SDK2: variants seen among roughly 807,000 people sequenced by gnomAD.
The protein encoded by SDK2 is protein sidekick-2.
In SDK2, 105 loss-of-function variants were observed where a neutral mutation model predicts 253.9. That is an observed-to-expected ratio of 0.41 (90% CI 0.35 to 0.49). SDK2 has a LOEUF of 0.49. Among genes scored for constraint, SDK2 ranks in the 20% least tolerant of loss-of-function variants. The probability of loss-of-function intolerance (pLI) is 0.06; values close to 1 mark genes in which losing one functional copy is unlikely to be tolerated. For synonymous variants in SDK2, 1,249 were observed against 1,234.9 expected, an observed-to-expected ratio of 1.01 and a Z score of -0.24; for missense variants, 2,608 against 3,003.0, an observed-to-expected ratio of 0.87 and a Z score of 3.07.
chr17:73,541,796 C>T lies in SDK2; in HGVS notation c.65-34199G>A, dbSNP rs557643965. On this transcript the variant is annotated intron_variant, in intron 1 of 44. Transcript: ENST00000392650. This position sits in a 1 kb window ranked among gnomAD's most constrained non-coding sequence, Gnocchi z 4.3. Reference sequence around the variant, plus strand: ...AAAGCAGCTTGGCACAAACAGAATCCGGCTACGGAAAATTCAAAATGTATT... The same window carrying T: ...AAAGCAGCTTGGCACAAACAGAATCTGGCTACGGAAAATTCAAAATGTATT... 2.0e-5 allele frequency among the ~76,000 whole-genome samples: 3 copies of T among 152,270 alleles called. No individual in the cohort carries two copies. Among genetic ancestry groups the T allele is most frequent in the East Asian group, 1.9e-4 (1 of 5,176 alleles).
intron 14 of SDK2, among the ~76,000 whole-genome samples, chr17:73,423,184 C>T (rs2345421): frequency 2.0e-5 from 3 of 152,074 alleles, no homozygotes; most frequent in East Asian, 3.9e-4. Flanking sequence ...ACCTTTTGTG[C>T]GTCATCTCTT....
intron 36 of SDK2, among the ~76,000 whole-genome samples, chr17:73,377,327 T>C (rs1210451665): frequency 6.6e-6 from 1 of 151,396 alleles, no homozygotes; most frequent in Admixed American, 6.6e-5. Flanking sequence ...CAAACGATTC[T>C]CCTGCCTCAG....
Position 73,386,551 on chromosome 17 carries a change from G to T in SDK2, c.4395-3C>A. The T allele has an allele frequency of 1.9e-6, 3 of 1,550,730 alleles. No individual in the cohort carries two copies. Among genetic ancestry groups the T allele is most frequent in the Non-Finnish European group, 2.6e-6 (3 of 1,145,806 alleles). On this transcript the variant is annotated splice_region_variant and splice_polypyrimidine_tract_variant and intron_variant, in intron 30 of 44. Coordinates refer to ENST00000392650, the MANE Select transcript of SDK2 (RefSeq NM_001144952.2). ...TGTAGGACGTGAAGGGCTTCAGCCT[G>T]TAGGGAGAAATCAGGGCCAATGAGC... is the stretch of plus-strand genomic sequence containing the variant.
At position 73,570,102 on chromosome 17, in the gene SDK2, C is replaced by A. The variant is rs897334155; in HGVS notation, c.65-62505G>T. On this transcript the variant is annotated intron_variant, in intron 1 of 44. Coordinates refer to ENST00000392650, the MANE Select transcript of SDK2 (RefSeq NM_001144952.2). The surrounding 1 kb of genome is among the most constrained non-coding windows in gnomAD (Gnocchi z 4.2). ...GGCGGCCCCATGACTCTCCCCAGAG[C>A]CCCTCGGGACGGCCCCCCAGAGCCC... Among the ~76,000 whole-genome samples the A allele has an allele frequency of 6.6e-6, 1 of 152,118 alleles. No individual in the cohort carries two copies.
At chr17:73,585,664 C>G (rs1372210120) in intron 1 of SDK2, among the ~76,000 whole-genome samples, 1 of 152,198 alleles carries the variant, frequency 6.6e-6, no homozygotes, top group Non-Finnish European at 1.5e-5. Flanking sequence ...CTGACTACCC[C>G]CTACACTCAG....
chr17:73,340,209 A>C (rs1275923468), intron 44 of SDK2, among the ~76,000 whole-genome samples: 2 of 152,234 alleles, frequency 1.3e-5, no homozygotes, highest in African/African-American at 2.4e-5. Context: ...CACATAACCG[A>C]AAGTGAACCA....
chr17:73,365,285 C>G lies in SDK2; in HGVS notation c.5278G>C (p.Val1760Leu). The change falls in exon 38 of 45, where the codon GTG (valine) becomes CTG (leucine). Residue 1760 changes from valine (V) to leucine (L), a missense_variant. Val to Leu is a conservative substitution (Grantham distance 32). This residue lies in a region of SDK2 where 1,103 missense variants were observed against 1,143.9 expected (regional missense o/e 0.96). Transcript: ENST00000392650. ...PNGILEGYRL[V>L]YEPCSPVDGV... The stretch of plus-strand genomic sequence containing the variant: ...TCCACGGGGCTGCAGGGCTCGTACA[C>G]CAGCCTGTAGCCCTCCAGGATGCCA... The G allele has an allele frequency of 6.2e-7, 1 of 1,612,266 alleles. No homozygotes were observed. The highest frequency in any genetic ancestry group is 8.5e-7 in the Non-Finnish European group (1 of 1,179,140).
chr17:73,586,298 T>C (rs1390268012), intron 1 of SDK2, among the ~76,000 whole-genome samples: 1 of 152,078 alleles, frequency 6.6e-6, no homozygotes, highest in Non-Finnish European at 1.5e-5. Flanking sequence ...TCTTTATTTA[T>C]TTATATTCTC....
chr17:73,515,903 G>A (rs2064022569), intron 1 of SDK2, among the ~76,000 whole-genome samples: 2 of 152,192 alleles, frequency 1.3e-5, no homozygotes, highest in South Asian at 2.1e-4. Context: ...AGGATCAAAT[G>A]AGCTAATGTG....
intron 1 of SDK2, among the ~76,000 whole-genome samples, chr17:73,588,197 A>ACCCCCCCC (rs57740393): frequency 3.1e-5 from 4 of 130,860 alleles, no homozygotes; most frequent in South Asian, 2.6e-4. Flanking sequence ...ACATGGAGAG[A>ACCCCCCCC]CCCCCCCCCC....
At chr17:73,485,152 G>A (rs753127779) in intron 2 of SDK2, among the ~76,000 whole-genome samples, 1 of 152,162 alleles carries the variant, frequency 6.6e-6, no homozygotes, top group African/African-American at 2.4e-5. Context: ...GGCTTGAGCC[G>A]TGGGGTGACT....
chr17:73,474,540 C>T (rs1240702062), intron 2 of SDK2, among the ~76,000 whole-genome samples: 1 of 152,206 alleles, frequency 6.6e-6, no homozygotes, highest in Non-Finnish European at 1.5e-5. Flanking sequence ...CTTCTGGCTG[C>T]CCAAGCCCCT....
At position 73,398,056 on chromosome 17, in the gene SDK2, G is replaced by A. The variant is rs1306050574; in HGVS notation, c.3333C>T (p.Thr1111=). 2 of 1,612,670 alleles carry A rather than the reference G, an allele frequency of 1.2e-6. No homozygotes were observed. The highest frequency in any genetic ancestry group is 8.5e-7 in the Non-Finnish European group (1 of 1,179,884). ...TTACCATCCAGCGCAGCCACAGGCT[G>A]GTCTCACTGGCTGTGCGCAGAGACA... The part of the protein sequence containing the change: ...ANVSLRTASE[T]SLWLRWMPLP... The change falls in exon 24 of 45, where the codon ACC becomes ACT. Residue 1111 remains threonine, a synonymous_variant. Coordinates refer to ENST00000392650, the MANE Select transcript of SDK2 (RefSeq NM_001144952.2).
Position 73,587,819 on chromosome 17 carries a change from GTCT to G in SDK2, c.64+56203_64+56205del, listed in dbSNP as rs141185974. On this transcript the variant is annotated intron_variant, in intron 1 of 44. Coordinates refer to ENST00000392650, the MANE Select transcript of SDK2 (RefSeq NM_001144952.2). ...TCCTAACCACACAGGTGCTTTTAAAGTCTTCTCATTGCTTTGTGAGTCTGTTTT... is the reference window on the plus strand; with the variant it reads ...TCCTAACCACACAGGTGCTTTTAAAGTCTCATTGCTTTGTGAGTCTGTTTT... Among the ~76,000 whole-genome samples the G allele has an allele frequency of 7.9e-3, 1,201 of 152,282 alleles. 23 individuals carry two copies. Among genetic ancestry groups the G allele is most frequent in the African/African-American group, 0.028 (1,171 of 41,532 alleles).
chr17:73,462,321 G>A (rs1229769982), intron 3 of SDK2, among the ~76,000 whole-genome samples: 2 of 151,992 alleles, frequency 1.3e-5, no homozygotes, highest in African/African-American at 4.8e-5. Flanking sequence ...TGGAATGGAT[G>A]GTTGTATGTA....
At chr17:73,373,531 G>A (rs886263894) in intron 36 of SDK2, among the ~76,000 whole-genome samples, 1 of 152,116 alleles carries the variant, frequency 6.6e-6, no homozygotes, top group Non-Finnish European at 1.5e-5. Context: ...CTTATCTCTA[G>A]ACTTTTTGAT....
At chr17:73,380,109 C>T (rs1159471659) in intron 34 of SDK2, among the ~76,000 whole-genome samples, 1 of 152,190 alleles carries the variant, frequency 6.6e-6, no homozygotes, top group African/African-American at 2.4e-5. Flanking sequence ...GAAACGGGCG[C>T]AGTCACTGTC....
chr17:73,407,878 T>A (rs1001507310), intron 18 of SDK2, among the ~76,000 whole-genome samples: 1 of 152,194 alleles, frequency 6.6e-6, no homozygotes, highest in African/African-American at 2.4e-5. Context: ...GCATTTCAGC[T>A]ACTAAGTCAA....
chr17:73,359,240 C>T (rs1229248890), intron 39 of SDK2, among the ~76,000 whole-genome samples: 6 of 151,998 alleles, frequency 3.9e-5, no homozygotes, highest in Non-Finnish European at 4.4e-5. Context: ...GATGCTCCCC[C>T]AGGGCCCTGG....
Sources: gnomAD v4.1 joint callset for allele counts (sites outside exome capture counted in the v4.1 genomes callset) on GRCh38, gnomAD v4.1.1 for gene constraint, gnomAD v4.1.1 regional missense constraint, Gnocchi (gnomAD v3.1) non-coding constraint, MANE v1.5 for transcripts, NCBI Gene and HGNC (gene_info 2026-07-23, HGNC 2026-07-21) for gene names.